TCF12: variants seen among roughly 807,000 people sequenced by gnomAD.
TCF12 encodes DNA-binding protein HTF4.
A neutral mutation model predicts 86.0 loss-of-function variants in TCF12; 45 were observed. That is an observed-to-expected ratio of 0.52 (90% CI 0.41 to 0.67). The LOEUF (loss-of-function observed/expected upper bound fraction) is 0.67. Ranked by LOEUF, TCF12 falls within the 30% of genes least tolerant of loss-of-function variation. The pLI is 0.00. For synonymous variants in TCF12, 330 were observed against 299.6 expected (o/e 1.10, Z -1.05); for missense variants, 881 against 859.9 (o/e 1.02, Z -0.31).
chr15:57,200,742 T>C (rs2057502037), intron 8 of TCF12, among the ~76,000 whole-genome samples: 1 of 152,210 alleles, frequency 6.6e-6, no homozygotes, highest in Non-Finnish European at 1.5e-5. Flanking sequence ...GTAAACTGTT[T>C]TATATTTAGG....
intron 1 of TCF12, 160 bp from the exon 2 acceptor site, chr15:56,919,732 C>G: frequency 1.7e-6 from 1 of 589,474 alleles, no homozygotes; most frequent in Admixed American, 3.2e-5. Flanking sequence ...ACTGAGCCCT[C>G]CCGCCCCTTG....
At chr15:57,103,231 A>C (rs1270441034) in intron 5 of TCF12, among the ~76,000 whole-genome samples, 3 of 152,200 alleles carry the variant, frequency 2.0e-5, no homozygotes, top group Non-Finnish European at 4.4e-5. Flanking sequence ...TGTATAAATA[A>C]TTTTTGTAAG....
intron 6 of TCF12, among the ~76,000 whole-genome samples, chr15:57,189,984 G>T (rs753448606): frequency 6.6e-6 from 1 of 152,132 alleles, no homozygotes; most frequent in Non-Finnish European, 1.5e-5. Flanking sequence ...GACACAAAAG[G>T]CCACATATTG....
chr15:57,177,383 C>T (rs1251386192), intron 6 of TCF12, among the ~76,000 whole-genome samples: 1 of 151,294 alleles, frequency 6.6e-6, no homozygotes, highest in Non-Finnish European at 1.5e-5. Flanking sequence ...AGTTCTTCTG[C>T]CACAGCCTCC....
chr15:56,918,942 CGGCGGGGCTGGGGGCTGCGG>C (rs2059622712), intron 1 of TCF12, 36 bp downstream of exon 1: 1 of 152,058 alleles, frequency 6.6e-6, no homozygotes, highest in South Asian at 2.0e-4. Context: ...TGGGGCGGCG[CGGCGGGGCTGGGGGCTGCGG>C]GGCGCCGCCG....
intron 3 of TCF12, among the ~76,000 whole-genome samples, chr15:56,937,790 A>T (rs1188800812): frequency 6.6e-6 from 1 of 152,000 alleles, no homozygotes; most frequent in Non-Finnish European, 1.5e-5. Context: ...TTTTTCCCAC[A>T]TCTGCATCTA....
intron 19 of TCF12, chr15:57,278,689 T>TCTCC (rs2061517275): frequency 7.4e-6 from 1 of 136,022 alleles, no homozygotes; most frequent in East Asian, 2.0e-4. Flanking sequence ...CTTTCCTCCC[T>TCTCC]CTCCCTCTCT....
intron 5 of TCF12, among the ~76,000 whole-genome samples, chr15:57,115,114 A>G (rs1037755167): frequency 2.6e-5 from 4 of 152,170 alleles, no homozygotes; most frequent in Non-Finnish European, 2.9e-5. Context: ...TGGAAAATAA[A>G]TATTCTTTTG....
At chr15:57,018,610 G>T (rs975808687) in intron 3 of TCF12, among the ~76,000 whole-genome samples, 1 of 151,872 alleles carries the variant, frequency 6.6e-6, no homozygotes, top group Non-Finnish European at 1.5e-5. Flanking sequence ...CTACATGCAC[G>T]TGCCAGCATG....
intron 3 of TCF12, among the ~76,000 whole-genome samples, chr15:56,935,456 T>C (rs2060428199): frequency 6.6e-6 from 1 of 152,086 alleles, no homozygotes; most frequent in African/African-American, 2.4e-5. Flanking sequence ...ATGTGCCCTT[T>C]GGTGTCTCTC....
At chr15:57,143,190 A>G (rs1285623343) in intron 5 of TCF12, among the ~76,000 whole-genome samples, 1 of 151,582 alleles carries the variant, frequency 6.6e-6, no homozygotes, top group Non-Finnish European at 1.5e-5. Flanking sequence ...AGTAAAGCTA[A>G]TGCATGATTC....
chr15:57,251,370 C>G lies in TCF12; in HGVS notation c.1135C>G (p.Pro379Ala), dbSNP rs1179855713. The change falls in exon 14 of 21, where the codon CCT (proline) becomes GCT (alanine). Residue 379 changes from proline (P) to alanine (A), a missense_variant. Physicochemically the swap from Pro to Ala is conservative, Grantham distance 27. This residue lies in a region of TCF12 where 766 missense variants were observed against 718.9 expected (regional missense o/e 1.07). Transcript: ENST00000333725. ...AACAGGTACCAGTCAGTGGCCAAGA[C>G]CTGGAGGGCAAGCACCTTCATCCCC... ...PLTGTSQWPR[P>A]GGQAPSSPSY... The G allele has an allele frequency of 1.2e-6, 2 of 1,613,930 alleles. No homozygotes were observed. The highest frequency in any genetic ancestry group is 2.2e-5 in the South Asian group (2 of 91,070).
chr15:57,232,492 G>T, intron 10 of TCF12, 62 bp downstream of exon 10: 1 of 1,525,606 alleles, frequency 6.6e-7, no homozygotes, highest in South Asian at 1.3e-5. Context: ...TTTCTTTTTG[G>T]ATTAGAAGTG....
chr15:57,203,787 C>T (rs893625622), intron 8 of TCF12, among the ~76,000 whole-genome samples: 1 of 152,082 alleles, frequency 6.6e-6, no homozygotes, highest in Non-Finnish European at 1.5e-5. Context: ...GGCTGTAGTC[C>T]CAAGGCAGGA....
intron 18 of TCF12, among the ~76,000 whole-genome samples, chr15:57,268,424 C>T (rs2060968508): frequency 6.6e-6 from 1 of 152,138 alleles, no homozygotes; most frequent in Admixed American, 6.5e-5. Flanking sequence ...GGGACAGAGT[C>T]TCTGTTTGTC....
chr15:57,136,958 GTTTTTTTTTTTGTTTTTTTTT>G lies in TCF12; in HGVS notation c.326-29432_326-29412del, dbSNP rs1443882492. ...TAGACAATAGCCACTGCTTCTGGCA[GTTTTTTTTTTTGTTTTTTTTT>G]TTTTTTTTTTTTTTTTTTGAGACGG... On this transcript the variant is annotated intron_variant, in intron 5 of 20. Coordinates refer to ENST00000333725, the MANE Select transcript of TCF12 (RefSeq NM_207037.2). Among the ~76,000 whole-genome samples the G allele has an allele frequency of 1.3e-4, 11 of 83,000 alleles. 1 individual carries two copies. Among genetic ancestry groups the G allele is most frequent in the African/African-American group, 3.9e-4 (8 of 20,770 alleles). 54.5% of individuals were successfully genotyped at this position (83,000 alleles called of 152,430 possible).
intron 5 of TCF12, among the ~76,000 whole-genome samples, chr15:57,163,821 A>G (rs2054666416): frequency 6.6e-6 from 1 of 152,258 alleles, no homozygotes; most frequent in Non-Finnish European, 1.5e-5. Context: ...AAAATGGATC[A>G]GAAATCTTCT....
At chr15:57,121,326 C>T (rs2051211975) in intron 5 of TCF12, among the ~76,000 whole-genome samples, 1 of 152,178 alleles carries the variant, frequency 6.6e-6, no homozygotes, top group Non-Finnish European at 1.5e-5. Context: ...GAAATTAGAG[C>T]AGTTCCATGA....
intron 3 of TCF12, among the ~76,000 whole-genome samples, chr15:56,965,766 A>T (rs2061975039): frequency 6.6e-6 from 1 of 152,162 alleles, no homozygotes; most frequent in Non-Finnish European, 1.5e-5. Context: ...CAGGATAGTT[A>T]TTCTCTTATT....
Sources: gnomAD v4.1 joint callset for allele counts (sites outside exome capture counted in the v4.1 genomes callset) on GRCh38, gnomAD v4.1.1 for gene constraint, gnomAD v4.1.1 regional missense constraint, MANE v1.5 for transcripts, NCBI Gene and HGNC (gene_info 2026-07-23, HGNC 2026-07-21) for gene names.